Variants in NAALADL2 observed in about 807,000 individuals in gnomAD.
NAALADL2 encodes the protein inactive N-acetylated-alpha-linked acidic dipeptidase-like protein 2.
NAALADL2 carries 76 observed loss-of-function variants against 87.2 expected under a neutral mutation model. The ratio of observed to expected loss-of-function variants is 0.87; its 90% CI spans 0.72 to 1.05. The LOEUF (loss-of-function observed/expected upper bound fraction) is 1.05, where lower values mean the gene tolerates loss of function less well. NAALADL2 is among the 50% of genes least tolerant of loss of function. The pLI, the probability that NAALADL2 is intolerant of heterozygous loss-of-function variation, is 0.00. For missense variants in NAALADL2, 1,089 were observed against 945.8 expected, an observed-to-expected ratio of 1.15 and a Z score of -1.99; for synonymous variants, 354 against 331.0, an observed-to-expected ratio of 1.07 and a Z score of -0.75.
chr3:175,489,362 G>A (rs1231676158), intron 9 of NAALADL2, among the ~76,000 whole-genome samples: 2 of 152,114 alleles, frequency 1.3e-5, no homozygotes, highest in Admixed American at 1.3e-4. Flanking sequence ...TTGGTATATG[G>A]TGTTCATAGC....
At chr3:175,630,615 C>T (rs1036831928) in intron 11 of NAALADL2, among the ~76,000 whole-genome samples, 2 of 151,508 alleles carry the variant, frequency 1.3e-5, no homozygotes, top group Non-Finnish European at 3.0e-5. Flanking sequence ...TAAGAGTACA[C>T]TAAGTTAGTG....
intron 1 of NAALADL2, among the ~76,000 whole-genome samples, chr3:174,969,754 A>G (rs552781349): frequency 3.3e-5 from 5 of 152,258 alleles, no homozygotes; most frequent in African/African-American, 1.2e-4. Flanking sequence ...TTGTGCTCTC[A>G]AAGTGGAGTC....
intron 3 of NAALADL2, among the ~76,000 whole-genome samples, chr3:174,814,649 TTAA>T (rs1218462898): frequency 1.3e-5 from 2 of 152,186 alleles, no homozygotes; most frequent in Non-Finnish European, 1.5e-5. Flanking sequence ...AATGGAATAA[TTAA>T]TAATATCAAA....
chr3:175,140,580 G>T (rs1266932848), intron 2 of NAALADL2, among the ~76,000 whole-genome samples: 1 of 152,136 alleles, frequency 6.6e-6, no homozygotes, highest in South Asian at 2.1e-4. Flanking sequence ...AGAGTGTTCA[G>T]CACAGAGTGA....
Position 175,096,853 on chromosome 3 carries a change from T to TA in NAALADL2, c.108dup (p.Asp37ArgfsTer3), listed in dbSNP as rs766391227. 2.5e-6 allele frequency: 4 copies of TA among 1,611,666 alleles called. No individual in the cohort carries two copies. The highest frequency in any genetic ancestry group is 8.5e-7 in the Non-Finnish European group (1 of 1,178,798). ...AGAGCTCCAGGACACTCACAGTACT[T>TA]AGACAATGATGACCTTCAAGCCACT... On this transcript the variant is annotated frameshift_variant, in exon 2 of 14. Transcript: ENST00000454872. LOFTEE classifies it high-confidence loss of function.
At chr3:175,255,877 G>A (rs933948403) in intron 3 of NAALADL2, among the ~76,000 whole-genome samples, 3 of 152,136 alleles carry the variant, frequency 2.0e-5, no homozygotes, top group Admixed American at 6.5e-5. Flanking sequence ...TGAACAGGTT[G>A]TATTCTGCAC....
chr3:175,061,538 A>G (rs1013300867), intron 1 of NAALADL2, among the ~76,000 whole-genome samples: 6 of 152,156 alleles, frequency 3.9e-5, no homozygotes, highest in Admixed American at 3.3e-4. Flanking sequence ...AAAGAAACCA[A>G]GTACTCTAGA....
intron 9 of NAALADL2, among the ~76,000 whole-genome samples, chr3:175,507,673 C>G (rs1247742991): frequency 6.6e-6 from 1 of 152,166 alleles, no homozygotes; most frequent in Non-Finnish European, 1.5e-5. Context: ...ATCTGCCCAC[C>G]TCGGCCTCCC....
chr3:174,556,008 T>TGTGTGTGC (rs1491448551), intron 2 of NAALADL2, among the ~76,000 whole-genome samples: 4 of 94,516 alleles, frequency 4.2e-5, no homozygotes, highest in Non-Finnish European at 9.5e-5. Flanking sequence ...TGTGTGTGTG[T>TGTGTGTGC]GCGCGCACGT....
At chr3:174,906,907 G>T (rs1733045274) in intron 1 of NAALADL2, among the ~76,000 whole-genome samples, 1 of 151,986 alleles carries the variant, frequency 6.6e-6, no homozygotes, top group African/African-American at 2.4e-5. Context: ...TTTCTTATGT[G>T]ATCACTAATC....
chr3:175,324,506 T>G (rs1446780487), intron 5 of NAALADL2, among the ~76,000 whole-genome samples, 181 bp downstream of exon 5: 1 of 152,252 alleles, frequency 6.6e-6, no homozygotes, highest in Non-Finnish European at 1.5e-5. Flanking sequence ...TTTGTTGGTA[T>G]AAATTGGATT....
intron 9 of NAALADL2, among the ~76,000 whole-genome samples, chr3:175,544,126 G>A (rs1712867672): frequency 6.6e-6 from 1 of 152,152 alleles, no homozygotes; most frequent in Non-Finnish European, 1.5e-5. Flanking sequence ...GGGCTCAGTT[G>A]AGTTATGATC....
intron 11 of NAALADL2, among the ~76,000 whole-genome samples, chr3:175,703,465 G>A (rs1212983844): frequency 1.3e-5 from 2 of 152,108 alleles, no homozygotes; most frequent in African/African-American, 2.4e-5. Context: ...TAAGTTGGCC[G>A]GGCATGGTGG....
At chr3:175,508,043 G>A (rs1730593865) in intron 9 of NAALADL2, among the ~76,000 whole-genome samples, 1 of 152,162 alleles carries the variant, frequency 6.6e-6, no homozygotes, top group Admixed American at 6.5e-5. Context: ...ATGGCAGAAG[G>A]TGAAAGGAGA....
At chr3:174,686,250 C>G (rs1457801282) in intron 2 of NAALADL2, among the ~76,000 whole-genome samples, 1 of 152,108 alleles carries the variant, frequency 6.6e-6, no homozygotes, top group East Asian at 1.9e-4. Context: ...GCCACACTAT[C>G]TTCTGCAATG....
intron 10 of NAALADL2, among the ~76,000 whole-genome samples, chr3:175,621,129 G>C (rs1056940053): frequency 2.6e-5 from 4 of 152,190 alleles, no homozygotes; most frequent in African/African-American, 9.7e-5. Context: ...ACGTAAAACC[G>C]GCAGCTCGGT....
intron 3 of NAALADL2, among the ~76,000 whole-genome samples, chr3:174,800,866 T>G (rs554270939): frequency 6.6e-6 from 1 of 152,274 alleles, no homozygotes; most frequent in African/African-American, 2.4e-5. Context: ...TTTTGGAGCT[T>G]TAAGATTTGA....
intron 2 of NAALADL2, among the ~76,000 whole-genome samples, chr3:174,556,496 G>A (rs1712839197): frequency 6.6e-6 from 1 of 150,444 alleles, no homozygotes; most frequent in Non-Finnish European, 1.5e-5. Context: ...ATTTTGACGT[G>A]TTTCTTAAGA....
At chr3:174,803,233 T>C (rs1719051239) in intron 3 of NAALADL2, among the ~76,000 whole-genome samples, 2 of 152,212 alleles carry the variant, frequency 1.3e-5, no homozygotes, top group Admixed American at 6.5e-5. Context: ...TGACTAGTGA[T>C]GATGAACATT....
Sources: gnomAD v4.1 joint callset for allele counts (sites outside exome capture counted in the v4.1 genomes callset) on GRCh38, gnomAD v4.1.1 for gene constraint, MANE v1.5 for transcripts, NCBI Gene and HGNC (gene_info 2026-07-23, HGNC 2026-07-21) for gene names.